The following TRIM71 variants were observed in gnomAD, a reference collection of about 807,000 sequenced individuals.
TRIM71 encodes E3 ubiquitin-protein ligase TRIM71.
A neutral mutation model predicts 61.2 loss-of-function variants in TRIM71; 9 were observed. The ratio of observed to expected loss-of-function variants is 0.15; its 90% confidence interval spans 0.09 to 0.26. The LOEUF is 0.26. Ranked by LOEUF, TRIM71 falls within the 10% of genes least tolerant of loss-of-function variation. The probability of loss-of-function intolerance (pLI) is 1.00; values close to 1 mark genes in which losing one functional copy is unlikely to be tolerated. For synonymous variants in TRIM71, 645 were observed against 553.2 expected (o/e 1.17, Z -2.33); for missense variants, 998 against 1,238.7 (o/e 0.81, Z 2.92).
intron 1 of TRIM71, among the ~76,000 whole-genome samples, chr3:32,858,753 T>G (rs876279): frequency 4.6e-5 from 7 of 152,024 alleles, no homozygotes; most frequent in Non-Finnish European, 1.0e-4. Flanking sequence ...TTCCTGACTT[T>G]AAGTGATAGA....
chr3:32,819,069 T>C (rs1432946592), intron 1 of TRIM71, 137 bp downstream of exon 1: 2 of 944,764 alleles, frequency 2.1e-6, no homozygotes, highest in East Asian at 2.4e-5. Context: ...TACGTGGCAG[T>C]CCTTGCTACC....
intron 1 of TRIM71, among the ~76,000 whole-genome samples, chr3:32,828,706 C>T (rs1339180089): frequency 6.6e-6 from 1 of 151,984 alleles, no homozygotes; most frequent in Non-Finnish European, 1.5e-5. Context: ...CACCATGTTG[C>T]CCAGGCTTGT....
chr3:32,861,076 G>A (rs1696663416), intron 1 of TRIM71, among the ~76,000 whole-genome samples: 1 of 152,036 alleles, frequency 6.6e-6, no homozygotes, highest in Non-Finnish European at 1.5e-5. Flanking sequence ...TCTGGAGGCT[G>A]AGGCAGGAGA....
chr3:32,831,432 A>T (rs1696269696), intron 1 of TRIM71, among the ~76,000 whole-genome samples: 1 of 152,146 alleles, frequency 6.6e-6, no homozygotes, highest in Admixed American at 6.6e-5. Context: ...GTATGTGCCC[A>T]TAACTGTAAA....
At chr3:32,856,752 C>T (rs1696609714) in intron 1 of TRIM71, among the ~76,000 whole-genome samples, 1 of 152,170 alleles carries the variant, frequency 6.6e-6, no homozygotes, top group South Asian at 2.1e-4. Flanking sequence ...GGCAGGAGTG[C>T]CTTCTTGGCT....
At chr3:32,833,285 C>T (rs1057270441) in intron 1 of TRIM71, among the ~76,000 whole-genome samples, 6 of 147,738 alleles carry the variant, frequency 4.1e-5, no homozygotes, top group Non-Finnish European at 8.9e-5. Flanking sequence ...AATAGGAGTG[C>T]AGAATATCGT....
chr3:32,890,405 G>T lies in TRIM71; in HGVS notation c.1201G>T (p.Val401Leu). Residue 401 changes from valine (V) to leucine (L), a missense_variant, in exon 4 of 4, where the codon GTG (valine) becomes TTG (leucine). Physicochemically the swap from Val to Leu is conservative, Grantham distance 32 (BLOSUM62 1). Transcript: ENST00000383763. This position sits in a 1 kb window ranked among gnomAD's most constrained non-coding sequence, Gnocchi z 6.2. ...QVKAKSLYLQ[V>L]EKLRQNLNKL... ...GAAAGCCAAGTCTCTGTACCTGCAGGTGGAGAAGCTGCGGCAAAACCTCAA... is the reference window on the plus strand; with the variant it reads ...GAAAGCCAAGTCTCTGTACCTGCAGTTGGAGAAGCTGCGGCAAAACCTCAA... The T allele has an allele frequency of 6.2e-7, 1 of 1,614,028 alleles. No homozygotes were observed. Among genetic ancestry groups the T allele is most frequent in the Non-Finnish European group, 8.5e-7 (1 of 1,179,904 alleles).
Position 32,818,491 on chromosome 3 carries a change from C to A in TRIM71, c.411C>A (p.Ala137=). Residue 137 remains alanine, a synonymous_variant, in exon 1 of 4, where the codon GCC becomes GCA. Transcript: ENST00000383763. ...ADEPPPKNGR[A]GAPAGAGGHS... ...AGCCGCCGCCCAAGAACGGGCGCGC[C>A]GGCGCTCCGGCGGGAGCGGGCGGCC... 7.0e-7 allele frequency: 1 copy of A among 1,427,412 alleles called. No individual in the cohort carries two copies. Among genetic ancestry groups the A allele is most frequent in the Non-Finnish European group, 9.1e-7 (1 of 1,093,806 alleles). The allele number at this position is 1,427,412 out of a possible 1,614,324, so 88.4% of individuals were successfully genotyped here.
intron 1 of TRIM71, among the ~76,000 whole-genome samples, chr3:32,842,087 AGG>A (rs1216245669): frequency 1.3e-5 from 2 of 152,206 alleles, no homozygotes; most frequent in African/African-American, 2.4e-5. Flanking sequence ...ACAGCTCAGC[AGG>A]GAGAGAAGGG....
chr3:32,873,930 G>A lies in TRIM71; in HGVS notation c.965G>A (p.Arg322Gln), dbSNP rs755247607. The A allele has an allele frequency of 8.2e-5, 132 of 1,613,600 alleles. 1 individual carries two copies. The highest frequency in any genetic ancestry group is 1.4e-4 in the South Asian group (13 of 91,034). The change falls in exon 2 of 4, where the codon CGG becomes CAG. Residue 322 changes from arginine (R) to glutamine (Q), a missense_variant. Transcript: ENST00000383763. ...IYLQEALQDS[R>Q]ALTIQLLADA... The stretch of plus-strand genomic sequence containing the variant: ...CTCCAGGAGGCACTGCAGGACTCAC[G>A]GGCACTCACCATCCAGCTGCTGGCA...
intron 1 of TRIM71, among the ~76,000 whole-genome samples, chr3:32,851,582 G>A (rs374085737): frequency 6.6e-6 from 1 of 152,070 alleles, no homozygotes; most frequent in Non-Finnish European, 1.5e-5. Context: ...AGGTTCAAGC[G>A]ATTTTCCTGC....
chr3:32,821,085 C>A (rs1575338337), intron 1 of TRIM71, among the ~76,000 whole-genome samples: 1 of 152,278 alleles, frequency 6.6e-6, no homozygotes, highest in East Asian at 1.9e-4. Context: ...GGTTCATAAA[C>A]GGTTCCACCT....
chr3:32,867,974 A>G (rs542417149), intron 1 of TRIM71, among the ~76,000 whole-genome samples: 1 of 151,954 alleles, frequency 6.6e-6, no homozygotes, highest in East Asian at 1.9e-4. Flanking sequence ...GATTCCTTCA[A>G]TTTCTAGAGA....
chr3:32,860,664 C>T (rs1158564467), intron 1 of TRIM71, among the ~76,000 whole-genome samples: 2 of 152,108 alleles, frequency 1.3e-5, no homozygotes, highest in African/African-American at 4.8e-5. Flanking sequence ...CTGCCTAGAT[C>T]ACAGCCGTGG....
intron 1 of TRIM71, among the ~76,000 whole-genome samples, chr3:32,868,551 G>C (rs1258769292): frequency 6.6e-6 from 1 of 151,898 alleles, no homozygotes. Context: ...TCTCTGCACG[G>C]AGTGACCCAG....
intron 1 of TRIM71, among the ~76,000 whole-genome samples, chr3:32,841,677 C>T (rs747143025): frequency 5.9e-5 from 9 of 152,074 alleles, no homozygotes; most frequent in East Asian, 1.9e-4. Flanking sequence ...AGTTTAGTGC[C>T]GTACATTCTT....
At position 32,893,869 on chromosome 3, in the gene TRIM71, A is replaced by C. The variant is rs868327021; in HGVS notation, c.*2058A>C. The C allele has an allele frequency of 1.1e-4, 17 of 152,122 alleles. 1 individual carries two copies. Among genetic ancestry groups the C allele is most frequent in the Middle Eastern group, 6.8e-3 (2 of 294 alleles). The allele number at this position is 152,122 out of a possible 1,614,324, so 9.4% of individuals were successfully genotyped here. ...GACCAAAATGGGAAGGAAAAAAAAA[A>C]CCTCATCTCACAGAGGAGAACTGCA... On this transcript the variant is annotated 3_prime_UTR_variant, in exon 4 of 4. Coordinates refer to ENST00000383763, the MANE Select transcript of TRIM71 (RefSeq NM_001039111.3).
At chr3:32,819,585 TTC>T (rs1391394788) in intron 1 of TRIM71, among the ~76,000 whole-genome samples, 1 of 152,178 alleles carries the variant, frequency 6.6e-6, no homozygotes, top group Admixed American at 6.5e-5. Flanking sequence ...TCTTAAGCCC[TTC>T]TCTCTCTGCG....
In TRIM71 at chr3:32,886,038, G is replaced by A; in HGVS notation, c.1125G>A (p.Leu375=). 6.2e-7 allele frequency: 1 copy of A among 1,614,050 alleles called. No individual in the cohort carries two copies. The change falls in exon 3 of 4, where the codon CTG becomes CTA. Residue 375 remains leucine, a synonymous_variant. Transcript: ENST00000383763. The part of the protein sequence containing the change: ...KAVTARHKKA[L]EERECELLWK... ...TGACGGCGAGGCATAAGAAAGCCCT[G>A]GAGGAACGCGAGTGTGAGCTGCTGT...
Sources: gnomAD v4.1 joint callset for allele counts (sites outside exome capture counted in the v4.1 genomes callset) on GRCh38, gnomAD v4.1.1 for gene constraint, Gnocchi (gnomAD v3.1) non-coding constraint, MANE v1.5 for transcripts, NCBI Gene and HGNC (gene_info 2026-07-23, HGNC 2026-07-21) for gene names.